Variants in LSS observed in about 807,000 individuals in gnomAD.
LSS encodes 2,3-epoxysqualene-lanosterol cyclase.
A neutral mutation model predicts 110.3 loss-of-function variants in LSS; 90 were observed. The ratio of observed to expected loss-of-function variants is 0.82; its 90% CI spans 0.69 to 0.97. The LOEUF is 0.97. LSS is among the 50% of genes least tolerant of loss of function. The probability of loss-of-function intolerance (pLI) is 0.00; values close to 1 mark genes in which losing one functional copy is unlikely to be tolerated. For missense variants in LSS, 927 were observed against 990.0 expected, an observed-to-expected ratio of 0.94 and a Z score of 0.85; for synonymous variants, 433 against 400.0, an observed-to-expected ratio of 1.08 and a Z score of -0.98.
At chr21:46,206,016 C>G in intron 16 of LSS, 75 bp from the exon 17 acceptor site, 1 of 1,169,758 alleles carries the variant, frequency 8.5e-7, no homozygotes, top group South Asian at 1.3e-5. Flanking sequence ...GGCAAAGCCA[C>G]AACAAGCAAG....
intron 14 of LSS, 28 bp from the exon 15 acceptor site, chr21:46,207,605 C>T (rs1485409678): frequency 6.2e-7 from 1 of 1,600,636 alleles, no homozygotes; most frequent in South Asian, 1.1e-5. Context: ...TGACTCCAGG[C>T]TGGGGGTGTC....
rs542192336 is a variant in LSS, at chr21:46,220,015, T to C, written c.551-443A>G. On this transcript the variant is annotated intron_variant, in intron 5 of 21. Coordinates refer to ENST00000397728, the MANE Select transcript of LSS (RefSeq NM_002340.6). ...GCCTGAGCTGCCCCAGTCTGTGTCA[T>C]CTCCACTTGGCAGACTGGTCCTGTA... is the stretch of plus-strand genomic sequence containing the variant. Among the ~76,000 whole-genome samples the C allele has an allele frequency of 1.6e-4, 25 of 152,218 alleles. 1 individual carries two copies. Among genetic ancestry groups the C allele is most frequent in the African/African-American group, 3.9e-4 (16 of 41,544 alleles).
rs1312637432 is a variant in LSS at position 46,227,702 on chromosome 21, T to G, written c.181-12A>C. 1.9e-6 allele frequency: 3 copies of G among 1,545,288 alleles called. No homozygotes were observed. The highest frequency in any genetic ancestry group is 2.6e-6 in the Non-Finnish European group (3 of 1,154,828). ...TTAAAGTAATTCTTCTGCAAAGAGA[T>G]CGAAAAAAAAAAAAAGAGATAGCTG... On this transcript the variant is annotated splice_polypyrimidine_tract_variant and intron_variant, in intron 2 of 21. Coordinates refer to ENST00000397728, the MANE Select transcript of LSS (RefSeq NM_002340.6).
In LSS at chr21:46,188,607, A is replaced by C. The variant is rs1041866271; in HGVS notation, c.*2497T>G. The C allele has an allele frequency of 2.1e-6, 1 of 470,524 alleles. No homozygotes were observed. The highest frequency in any genetic ancestry group is 1.5e-5 in the South Asian group (1 of 64,524). The allele number at this position is 470,524 out of a possible 1,614,324, so 29.1% of individuals were successfully genotyped here. A position where few individuals can be genotyped will look rare whatever the true frequency, so the allele number is the denominator to read the frequency against. On this transcript the variant is annotated 3_prime_UTR_variant, in exon 22 of 22. Coordinates refer to ENST00000397728, the MANE Select transcript of LSS (RefSeq NM_002340.6). ...TCACCCTCCCAGCACCGAGAAGCCG[A>C]CGGGGGAGGAACAGACTCCTCTGCA...
In LSS at chr21:46,216,259, C is replaced by G; in HGVS notation, c.783+130G>C. ...TATAGGATGGAGGAAGGTGGAGGCTCTGCTCCACAGGGCTCTCCGCTCCAC... is the reference window on the plus strand; with the variant it reads ...TATAGGATGGAGGAAGGTGGAGGCTGTGCTCCACAGGGCTCTCCGCTCCAC... On this transcript the variant is annotated intron_variant, in intron 7 of 21. Transcript: ENST00000397728. This position sits in a 1 kb window ranked among gnomAD's most constrained non-coding sequence, Gnocchi z 4.2. 3 of 1,148,116 alleles carry G rather than the reference C, an allele frequency of 2.6e-6. No individual in the cohort carries two copies. The South Asian group carries it at 4.0e-5, about 15-fold the overall frequency. The allele number at this position is 1,148,116 out of a possible 1,614,324, so 71.1% of individuals were successfully genotyped here.
chr21:46,196,380 C>A (rs1275689278), intron 17 of LSS, 113 bp from the exon 18 acceptor site: 1 of 866,302 alleles, frequency 1.2e-6, no homozygotes, highest in Non-Finnish European at 1.9e-6. Flanking sequence ...TTAAAAACCA[C>A]ATAAAAATAA....
At position 46,190,025 on chromosome 21, in the gene LSS, C is replaced by G. The variant is rs1413183003; in HGVS notation, c.*1079G>C. On this transcript the variant is annotated 3_prime_UTR_variant, in exon 22 of 22. Transcript: ENST00000397728. This position sits in a 1 kb window ranked among gnomAD's most constrained non-coding sequence, Gnocchi z 4.6. ...GGAAGCCTCGGCCCAAAACCTGGCC[C>G]TCGCTCCAGCCCAGAGCACCCACCT... 6.7e-6 allele frequency: 2 copies of G among 297,788 alleles called. No homozygotes were observed. Among genetic ancestry groups the G allele is most frequent in the East Asian group, 2.3e-4 (2 of 8,550 alleles). 18.4% of individuals were successfully genotyped at this position (297,788 alleles called of 1,614,324 possible).
At chr21:46,195,854 G>T in intron 18 of LSS, 98 bp from the exon 19 acceptor site, 1 of 936,832 alleles carries the variant, frequency 1.1e-6, no homozygotes. Context: ...GCCCCAGCCA[G>T]CCCACCAACT....
At chr21:46,212,730 C>T (rs2080149291) in intron 11 of LSS, among the ~76,000 whole-genome samples, 1 of 152,236 alleles carries the variant, frequency 6.6e-6, no homozygotes, top group Admixed American at 6.5e-5. Flanking sequence ...GCCACAGTAA[C>T]AAGATGAGAG....
Position 46,215,732 on chromosome 21 carries a change from G to A in LSS, c.845C>T (p.Pro282Leu). The change falls in exon 8 of 22, where the codon CCC (proline) becomes CTC (leucine). Residue 282 changes from proline (P) to leucine (L), a missense_variant. Physicochemically the swap from Pro to Leu is moderately conservative, Grantham distance 98. Coordinates refer to ENST00000397728, the MANE Select transcript of LSS (RefSeq NM_002340.6). ...GCTGTGCGGCGTGTACAGCTCGTCG[G>A]GGGCCACGTTGTTCCTCTGCGCCAG... ...DWLAQRNNVA[P>L]DELYTPHSWL... is the part of the protein sequence containing the mutation. 1 of 1,613,060 alleles carries A rather than the reference G, an allele frequency of 6.2e-7. No homozygotes were observed. Among genetic ancestry groups the A allele is most frequent in the Non-Finnish European group, 8.5e-7 (1 of 1,179,552 alleles).
intron 17 of LSS, among the ~76,000 whole-genome samples, chr21:46,203,976 C>G (rs925677713): frequency 1.3e-5 from 2 of 152,158 alleles, no homozygotes; most frequent in African/African-American, 4.8e-5. Flanking sequence ...TCTAAGTATT[C>G]AAGTTAGAAA....
intron 12 of LSS, 31 bp downstream of exon 12, chr21:46,210,657 T>C (rs755893280): frequency 6.2e-7 from 1 of 1,610,620 alleles, no homozygotes; most frequent in South Asian, 1.1e-5. Flanking sequence ...GAAGGTCAGC[T>C]GAGGCTGAGA....
At chr21:46,225,234 T>C (rs1292670678) in intron 3 of LSS, 3 of 259,342 alleles carry the variant, frequency 1.2e-5, no homozygotes, top group African/African-American at 2.2e-5. Flanking sequence ...AACCAGGCCA[T>C]ACAGAGATAG....
intron 6 of LSS, among the ~76,000 whole-genome samples, chr21:46,218,576 A>G (rs976605553): frequency 2.0e-5 from 3 of 152,012 alleles, no homozygotes; most frequent in African/African-American, 7.2e-5. Flanking sequence ...GTGACCCCAA[A>G]TCACGCCACT....
At position 46,228,504 on chromosome 21, in the gene LSS, G is replaced by A. The variant is rs1313599649; in HGVS notation, c.110C>T (p.Thr37Ile). 2 of 1,602,444 alleles carry A rather than the reference G, an allele frequency of 1.2e-6. No individual in the cohort carries two copies. The highest frequency in any genetic ancestry group is 1.7e-6 in the Non-Finnish European group (2 of 1,179,442). The change falls in exon 2 of 22, where the codon ACC (threonine) becomes ATC (isoleucine). Residue 37 changes from threonine to isoleucine, a missense_variant. By Grantham distance (89) the Thr-to-Ile change is moderately conservative. Transcript: ENST00000397728. ...LNCERGRQTW[T>I]YLQDERAGRE... is the part of the protein sequence containing the mutation. ...GCCGGCGCGCTCGTCCTGCAGGTAG[G>A]TCCACGTCTGCCGGCCCCTCTCGCA...
Position 46,209,638 on chromosome 21 carries a change from G to A in LSS, c.1195-13C>T. 1 of 1,605,780 alleles carries A rather than the reference G, an allele frequency of 6.2e-7. No homozygotes were observed. Among genetic ancestry groups the A allele is most frequent in the Non-Finnish European group, 8.5e-7 (1 of 1,176,464 alleles). On this transcript the variant is annotated splice_polypyrimidine_tract_variant and intron_variant, in intron 12 of 21. Transcript: ENST00000397728. This position sits in a 1 kb window ranked among gnomAD's most constrained non-coding sequence, Gnocchi z 4.4. ...GGTGCCCGCCCGCCTGGAAGAGACA[G>A]CAGGACAGAGAGGCTCAGCTGCCCT...
intron 17 of LSS, among the ~76,000 whole-genome samples, chr21:46,199,398 G>A (rs879926950): frequency 4.5e-4 from 69 of 152,174 alleles, no homozygotes; most frequent in Non-Finnish European, 8.8e-4. Flanking sequence ...GCAACAAAAC[G>A]CTCATCATTG....
chr21:46,208,942 T>C (rs2080090352), intron 13 of LSS, among the ~76,000 whole-genome samples: 1 of 151,952 alleles, frequency 6.6e-6, no homozygotes, highest in African/African-American at 2.4e-5. Flanking sequence ...GAGACGGGGC[T>C]GGGGGGCAGC....
intron 5 of LSS, 72 bp downstream of exon 5, chr21:46,221,782 T>C: frequency 6.2e-7 from 1 of 1,602,652 alleles, no homozygotes; most frequent in Non-Finnish European, 8.5e-7. Flanking sequence ...CATCTTTCTG[T>C]ATCGCGTTTG....
Sources: gnomAD v4.1 joint callset for allele counts (sites outside exome capture counted in the v4.1 genomes callset) on GRCh38, gnomAD v4.1.1 for gene constraint, Gnocchi (gnomAD v3.1) non-coding constraint, MANE v1.5 for transcripts, NCBI Gene and HGNC (gene_info 2026-07-23, HGNC 2026-07-21) for gene names.